The following CCDC102A variants were observed in gnomAD, a reference collection of about 807,000 sequenced individuals.
CCDC102A encodes coiled-coil domain containing 102A, also known as coiled-coil domain-containing protein 102A.
In CCDC102A, 40 loss-of-function variants were observed where a neutral mutation model predicts 55.5. That is an observed-to-expected ratio of 0.72 (90% CI 0.56 to 0.94). CCDC102A has a LOEUF of 0.94. Ranked by LOEUF, CCDC102A falls within the 40% of genes least tolerant of loss-of-function variation. CCDC102A has a pLI of 0.00. For synonymous variants in CCDC102A, 323 were observed against 339.0 expected (o/e 0.95, Z 0.52); for missense variants, 779 against 768.6 (o/e 1.01, Z -0.16).
chr16:57,536,984 T>C (rs1298444636), upstream of CCDC102A, among the ~76,000 whole-genome samples: 3 of 152,174 alleles, frequency 2.0e-5, no homozygotes, highest in Non-Finnish European at 4.4e-5. Flanking sequence ...GGGCCAGCTC[T>C]GCCACCGAGT....
chr16:57,516,598 T>C lies in CCDC102A; in HGVS notation c.1249-135A>G. The C allele has an allele frequency of 9.5e-6, 7 of 734,188 alleles. No homozygotes were observed. The highest frequency in any genetic ancestry group is 1.1e-5 in the Non-Finnish European group (5 of 437,336). The allele number at this position is 734,188 out of a possible 1,614,324, so 45.5% of individuals were successfully genotyped here. On this transcript the variant is annotated intron_variant, in intron 6 of 8. Coordinates refer to ENST00000258214, the MANE Select transcript of CCDC102A (RefSeq NM_033212.4). This position sits in a 1 kb window ranked among gnomAD's most constrained non-coding sequence, Gnocchi z 4.4. ...TCCTTCCCAGAATCTCTCCATCTGT[T>C]GTCTGAAGTATCAGCAGTAGAGGTT...
chr16:57,513,979 CAACT>C (rs1414482854), intron 8 of CCDC102A, among the ~76,000 whole-genome samples: 2 of 152,308 alleles, frequency 1.3e-5, no homozygotes, highest in African/African-American at 2.4e-5. Context: ...GGCCACCCAC[CAACT>C]GTGTGGCCAT....
rs1283861373 is a variant in CCDC102A, at chr16:57,526,086, C to T, written c.627G>A (p.Glu209=). The T allele has an allele frequency of 1.3e-6, 2 of 1,572,270 alleles. No individual in the cohort carries two copies. Among genetic ancestry groups the T allele is most frequent in the Non-Finnish European group, 1.7e-6 (2 of 1,164,528 alleles). ...LVESLLKSMP[E]ESEDCWEARS... The stretch of plus-strand genomic sequence containing the variant: ...GCGCCTCCCAGCAGTCCTCAGACTC[C>T]TCTGGCATGCTCTTCAGCAGGCTCT... The change falls in exon 3 of 9, where the codon GAG becomes GAA. Residue 209 remains glutamate, a synonymous_variant. Transcript: ENST00000258214.
At chr16:57,531,000 C>T (rs1466424650) in intron 1 of CCDC102A, among the ~76,000 whole-genome samples, 4 of 151,896 alleles carry the variant, frequency 2.6e-5, no homozygotes, top group Non-Finnish European at 4.4e-5. Context: ...TCCAGCTGCT[C>T]GTCAGCCTCC....
chr16:57,529,490 G>A lies in CCDC102A; in HGVS notation c.-147-166C>T, dbSNP rs780943421. 6.6e-6 allele frequency among the ~76,000 whole-genome samples: 1 copy of A among 152,196 alleles called. No homozygotes were observed. Among genetic ancestry groups the A allele is most frequent in the Non-Finnish European group, 1.5e-5 (1 of 68,014 alleles). On this transcript the variant is annotated intron_variant, in intron 1 of 8. Transcript: ENST00000258214. The surrounding 1 kb of genome is among the most constrained non-coding windows in gnomAD (Gnocchi z 4.1). ...ATTGGTGGAGCAAGGGCCCGCAAAGGCCTCCTCAGTGGCCTCGACTCCCTG... is the reference window on the plus strand; with the variant it reads ...ATTGGTGGAGCAAGGGCCCGCAAAGACCTCCTCAGTGGCCTCGACTCCCTG...
chr16:57,519,414 C>T (rs2146701947), intron 4 of CCDC102A, among the ~76,000 whole-genome samples: 1 of 152,344 alleles, frequency 6.6e-6, no homozygotes, highest in South Asian at 2.1e-4. Context: ...TGCGTCTGTC[C>T]ACCTTTGTGT....
chr16:57,522,852 A>G (rs2032075775), intron 3 of CCDC102A, among the ~76,000 whole-genome samples: 1 of 152,228 alleles, frequency 6.6e-6, no homozygotes, highest in South Asian at 2.1e-4. Context: ...AAGCACTCCC[A>G]TATCACAACA....
intron 1 of CCDC102A, among the ~76,000 whole-genome samples, chr16:57,536,263 A>T (rs572656436): frequency 9.4e-4 from 111 of 118,368 alleles, no homozygotes; most frequent in African/African-American, 3.4e-3. Flanking sequence ...CCCCTCCCCC[A>T]TCACCCCGCG....
chr16:57,529,210 G>T lies in CCDC102A; in HGVS notation c.-33C>A. The T allele has an allele frequency of 8.6e-7, 1 of 1,159,474 alleles. No homozygotes were observed. Among genetic ancestry groups the T allele is most frequent in the Non-Finnish European group, 1.1e-6 (1 of 940,660 alleles). The allele number at this position is 1,159,474 out of a possible 1,614,324, so 71.8% of individuals were successfully genotyped here. A position where few individuals can be genotyped will look rare whatever the true frequency, so the allele number is the denominator to read the frequency against. On this transcript the variant is annotated 5_prime_UTR_variant, in exon 2 of 9. Coordinates refer to ENST00000258214, the MANE Select transcript of CCDC102A (RefSeq NM_033212.4). The surrounding 1 kb of genome is among the most constrained non-coding windows in gnomAD (Gnocchi z 4.1). Reference sequence around the variant, plus strand: ...CCGGGCGGGCCCTGAGCTCGAACTCGCGGTCGGGCTCAGGGGCGGCTCCGG... The same window carrying T: ...CCGGGCGGGCCCTGAGCTCGAACTCTCGGTCGGGCTCAGGGGCGGCTCCGG...
chr16:57,512,688 C>A lies in CCDC102A; in HGVS notation c.*53G>T. On this transcript the variant is annotated 3_prime_UTR_variant, in exon 9 of 9. Transcript: ENST00000258214. ...TGCATCAGTTTGAGTGGCTGGTTAGCCTGGACCCTGGGCAGGTATGGGGCG... is the reference window on the plus strand; with the variant it reads ...TGCATCAGTTTGAGTGGCTGGTTAGACTGGACCCTGGGCAGGTATGGGGCG... 6.4e-7 allele frequency: 1 copy of A among 1,574,424 alleles called. No individual in the cohort carries two copies. Among genetic ancestry groups the A allele is most frequent in the South Asian group, 1.2e-5 (1 of 85,092 alleles).
Position 57,516,590 on chromosome 16 carries a change from C to T in CCDC102A, c.1249-127G>A. ...GGTGTCTCTCCTTCCCAGAATCTCT[C>T]CATCTGTTGTCTGAAGTATCAGCAG... is the stretch of plus-strand genomic sequence containing the variant. On this transcript the variant is annotated intron_variant, in intron 6 of 8. Transcript: ENST00000258214. This position sits in a 1 kb window ranked among gnomAD's most constrained non-coding sequence, Gnocchi z 4.4. 1.3e-6 allele frequency: 1 copy of T among 760,022 alleles called. No homozygotes were observed. The highest frequency in any genetic ancestry group is 2.2e-6 in the Non-Finnish European group (1 of 458,662). The allele number at this position is 760,022 out of a possible 1,614,324, so 47.1% of individuals were successfully genotyped here.
In CCDC102A at chr16:57,528,723, G is replaced by A. The variant is rs2032190844; in HGVS notation, c.455C>T (p.Ala152Val). ...CAGCCGCGCCAGCTCGCGGCCCCGT[G>A]CCTCGCACTCGCCCTGCGCCTCTTG... is the stretch of plus-strand genomic sequence containing the variant. ...ERQEAQGECE[A>V]RGRELARLRG... Residue 152 changes from alanine (A) to valine (V), a missense_variant, in exon 2 of 9, where the codon GCA (alanine) becomes GTA (valine). Ala to Val is a moderately conservative substitution (Grantham distance 64). Coordinates refer to ENST00000258214, the MANE Select transcript of CCDC102A (RefSeq NM_033212.4). The A allele has an allele frequency of 1.7e-6, 2 of 1,148,480 alleles. No homozygotes were observed. The highest frequency in any genetic ancestry group is 2.5e-5 in the South Asian group (1 of 39,480). 71.1% of individuals were successfully genotyped at this position (1,148,480 alleles called of 1,614,324 possible). A position where few individuals can be genotyped will look rare whatever the true frequency, so the allele number is the denominator to read the frequency against.
Position 57,518,079 on chromosome 16 carries a change from C to G in CCDC102A, c.1237G>C (p.Glu413Gln). Residue 413 changes from glutamate (E) to glutamine (Q), a missense_variant, in exon 6 of 9, where the codon GAG becomes CAG. Transcript: ENST00000258214. ...ACTCCTTGCCCCACCTTGTTCTTCT[C>G]GAAGAGCGCGGCCTGGCTGGCCCTC... is the stretch of plus-strand genomic sequence containing the variant. ...DLRASQAALF[E>Q]KNKELADLKH... is the part of the protein sequence containing the mutation. 6.3e-7 allele frequency: 1 copy of G among 1,598,784 alleles called. No homozygotes were observed. The highest frequency in any genetic ancestry group is 8.5e-7 in the Non-Finnish European group (1 of 1,174,878).
intron 4 of CCDC102A, 113 bp downstream of exon 4, chr16:57,520,955 A>T: frequency 1.4e-6 from 1 of 734,778 alleles, no homozygotes; most frequent in Non-Finnish European, 2.3e-6. Flanking sequence ...AAAAAAAAAA[A>T]GAACAACTGT....
At chr16:57,521,458 G>C (rs1403313387) in intron 3 of CCDC102A, among the ~76,000 whole-genome samples, 2 of 152,194 alleles carry the variant, frequency 1.3e-5, no homozygotes, top group Non-Finnish European at 2.9e-5. Flanking sequence ...CCTCTCTCCT[G>C]CTGCACCTCA....
intron 3 of CCDC102A, among the ~76,000 whole-genome samples, chr16:57,522,329 C>A (rs1293884401): frequency 6.6e-6 from 1 of 152,144 alleles, no homozygotes; most frequent in Non-Finnish European, 1.5e-5. Context: ...TACCCAAGTG[C>A]AAGTGCCCAG....
chr16:57,520,925 G>C, intron 4 of CCDC102A, 143 bp downstream of exon 4: 3 of 620,646 alleles, frequency 4.8e-6, no homozygotes, highest in Non-Finnish European at 8.5e-6. Flanking sequence ...AGGTGACAGA[G>C]CAAGACTCTG....
intron 1 of CCDC102A, 130 bp downstream of exon 1, chr16:57,536,370 C>T (rs2146730038): frequency 6.6e-6 from 1 of 152,398 alleles, no homozygotes; most frequent in Admixed American, 6.5e-5. Flanking sequence ...GCCGCGGGCG[C>T]CCCGACTGTG....
At chr16:57,524,602 G>A (rs62036073) in intron 3 of CCDC102A, among the ~76,000 whole-genome samples, 1 of 75,650 alleles carries the variant, frequency 1.3e-5, no homozygotes, top group Non-Finnish European at 2.5e-5. Context: ...TATATAGAGA[G>A]AGAGACAGGG....
Sources: allele counts gnomAD v4.1 joint callset (sites outside exome capture counted in the v4.1 genomes callset), GRCh38; gene constraint gnomAD v4.1.1; non-coding constraint Gnocchi (gnomAD v3.1); transcripts MANE v1.5; gene names NCBI Gene and HGNC (gene_info 2026-07-23, HGNC 2026-07-21).